RP1L1: variants seen among roughly 807,000 people sequenced by gnomAD.
The protein encoded by RP1L1 is retinitis pigmentosa 1-like 1 protein.
Under a neutral mutation model 15.7 loss-of-function variants are expected in RP1L1, and 27 were observed. The observed-to-expected ratio is 1.72, with a 90% CI of 1.27 to 2.38. The LOEUF (loss-of-function observed/expected upper bound fraction) is 2.38, where lower values mean the gene tolerates loss of function less well. RP1L1 is among the 30% of genes most tolerant of loss of function. The probability of loss-of-function intolerance (pLI) is 0.00; values close to 1 mark genes in which losing one functional copy is unlikely to be tolerated. For synonymous variants in RP1L1, 1,813 were observed against 1,276.7 expected (o/e 1.42, Z -8.96); for missense variants, 4,798 against 3,075.9 (o/e 1.56, Z -13.24).
At chr8:10,618,625 G>A (rs1798009295) in intron 2 of RP1L1, among the ~76,000 whole-genome samples, 2 of 152,130 alleles carry the variant, frequency 1.3e-5, no homozygotes, top group South Asian at 2.1e-4. Context: ...CCAGGAGGTC[G>A]AGGCTGCAAT....
rs1797802747 is a variant in RP1L1, at chr8:10,610,042, T to TC, written c.4055_4056insG (p.Glu1353ArgfsTer8). The TC allele has an allele frequency of 3.8e-6, 5 of 1,307,550 alleles. No homozygotes were observed. The highest frequency in any genetic ancestry group is 4.7e-5 in the African/African-American group (2 of 42,956). The allele number at this position is 1,307,550 out of a possible 1,614,324, so 81.0% of individuals were successfully genotyped here. ...CTTCAATTTCCTCTAACTGCGCCTCTTCTTCTTGCTGTCCTTCTCCTTCTG... is the reference window on the plus strand; with the variant it reads ...CTTCAATTTCCTCTAACTGCGCCTCTCTCTTCTTGCTGTCCTTCTCCTTCTG... On this transcript the variant is annotated frameshift_variant, in exon 4 of 4. Transcript: ENST00000382483. LOFTEE classifies it low-confidence loss of function (END_TRUNC).
chr8:10,611,520 G>T lies in RP1L1; in HGVS notation c.2578C>A (p.Arg860=), dbSNP rs62490856. 8 of 1,579,004 alleles carry T rather than the reference G, an allele frequency of 5.1e-6. No individual in the cohort carries two copies. The highest frequency in any genetic ancestry group is 6.9e-6 in the Non-Finnish European group (8 of 1,163,792). ...GAAGAGCGCCTCTGGGGGCAGGGCC[G>T]CCCCCTGGGCGGGGTGGGACAGTAC... ...GRYCPTPPRG[R]PCPQRRSSSC... Residue 860 remains arginine, a synonymous_variant, in exon 4 of 4, where the codon CGG becomes AGG. Coordinates refer to ENST00000382483, the MANE Select transcript of RP1L1 (RefSeq NM_178857.6).
intron 1 of RP1L1, among the ~76,000 whole-genome samples, chr8:10,651,932 T>TA (rs1798569016): frequency 6.6e-6 from 1 of 152,042 alleles, no homozygotes; most frequent in African/African-American, 2.4e-5. Flanking sequence ...GTGTGCCATT[T>TA]AAAAAAATCT....
In RP1L1 at chr8:10,612,452, C is replaced by A; in HGVS notation, c.1646G>T (p.Gly549Val). 2 of 1,612,716 alleles carry A rather than the reference C, an allele frequency of 1.2e-6. No homozygotes were observed. The highest frequency in any genetic ancestry group is 2.2e-5 in the East Asian group (1 of 44,880). Residue 549 changes from glycine to valine, a missense_variant, in exon 4 of 4, where the codon GGT becomes GTT. Coordinates refer to ENST00000382483, the MANE Select transcript of RP1L1 (RefSeq NM_178857.6). The part of the protein sequence containing the change: ...TGSHEGSSEW[G>V]GRPQGCPGKA... ...GCCTGGACAGCCCTGGGGCCGCCCA[C>A]CCCATTCGCTGGATCCCTCATGAGA...
Position 10,622,871 on chromosome 8 carries a change from T to TG in RP1L1, c.330dup (p.Lys111GlnfsTer27), listed in dbSNP as rs770312128. On this transcript the variant is annotated frameshift_variant, in exon 2 of 4. Coordinates refer to ENST00000382483, the MANE Select transcript of RP1L1 (RefSeq NM_178857.6). LOFTEE classifies it high-confidence loss of function. Reference sequence around the variant, plus strand: ...GGCCGGCCTGGTCCACTGGGGGTCTTGGGGGGCTTCTTATCAGAGCAGAGG... The same window carrying TG: ...GGCCGGCCTGGTCCACTGGGGGTCTTGGGGGGGCTTCTTATCAGAGCAGAGG... The TG allele has an allele frequency of 3.9e-5, 63 of 1,613,150 alleles. No homozygotes were observed. The highest frequency in any genetic ancestry group is 2.1e-4 in the South Asian group (19 of 91,056).
At chr8:10,633,960 C>A (rs1386500029) in intron 1 of RP1L1, among the ~76,000 whole-genome samples, 1 of 152,144 alleles carries the variant, frequency 6.6e-6, no homozygotes, top group South Asian at 2.1e-4. Context: ...ACAATATCCT[C>A]CCTCTCTGCC....
chr8:10,619,410 A>G (rs1585976730), intron 2 of RP1L1, among the ~76,000 whole-genome samples: 1 of 152,176 alleles, frequency 6.6e-6, no homozygotes, highest in Non-Finnish European at 1.5e-5. Context: ...TCTAGTACCC[A>G]TCATCTTCCC....
chr8:10,612,843 T>C lies in RP1L1; in HGVS notation c.1255A>G (p.Arg419Gly). The C allele has an allele frequency of 6.2e-7, 1 of 1,612,760 alleles. No individual in the cohort carries two copies. Among genetic ancestry groups the C allele is most frequent in the East Asian group, 2.2e-5 (1 of 44,856 alleles). ...TNPLHASQGE[R>G]VAARKRWGLA... ...CCCCACCTCTTCCGAGCTGCCACTCTCTCTCCCTGGGAGGCATGCAGGGGA... is the reference window on the plus strand; with the variant it reads ...CCCCACCTCTTCCGAGCTGCCACTCCCTCTCCCTGGGAGGCATGCAGGGGA... The change falls in exon 4 of 4, where the codon AGA becomes GGA. Residue 419 changes from arginine to glycine, a missense_variant. Arg to Gly is a moderately radical substitution (Grantham distance 125). Coordinates refer to ENST00000382483, the MANE Select transcript of RP1L1 (RefSeq NM_178857.6).
Position 10,607,178 on chromosome 8 carries a change from C to T in RP1L1, c.6920G>A (p.Gly2307Asp). The change falls in exon 4 of 4, where the codon GGC (glycine) becomes GAC (aspartate). Residue 2307 changes from glycine (G) to aspartate (D), a missense_variant. Coordinates refer to ENST00000382483, the MANE Select transcript of RP1L1 (RefSeq NM_178857.6). Reference protein sequence around the residue: ...GPSSSRASSWGNCWQKDSEND... With the variant: ...GPSSSRASSWDNCWQKDSEND... ...TTCTGAGTCTTTCTGCCAGCAGTTG[C>T]CCCAAGAGGATGCTCTGGAGGAGGA... is the stretch of plus-strand genomic sequence containing the variant. 1 of 1,614,214 alleles carries T rather than the reference C, an allele frequency of 6.2e-7. No homozygotes were observed. Among genetic ancestry groups the T allele is most frequent in the Non-Finnish European group, 8.5e-7 (1 of 1,180,040 alleles).
chr8:10,610,596 G>C lies in RP1L1; in HGVS notation c.3502C>G (p.Leu1168Val), dbSNP rs1045925948. 6.2e-7 allele frequency: 1 copy of C among 1,613,478 alleles called. No homozygotes were observed. Among genetic ancestry groups the C allele is most frequent in the Non-Finnish European group, 8.5e-7 (1 of 1,180,036 alleles). ...WPGCDVGEDQ[L>V]DSGLWELTWS... ...GTGAGCTCCCAGAGGCCTGAGTCCA[G>C]CTGGTCTTCCCCAACGTCACATCCT... Residue 1168 changes from leucine (L) to valine (V), a missense_variant, in exon 4 of 4, where the codon CTG becomes GTG. By Grantham distance (32) the Leu-to-Val change is conservative. Coordinates refer to ENST00000382483, the MANE Select transcript of RP1L1 (RefSeq NM_178857.6).
chr8:10,619,303 C>A (rs1031565354), intron 2 of RP1L1, among the ~76,000 whole-genome samples: 5 of 152,222 alleles, frequency 3.3e-5, no homozygotes, highest in African/African-American at 9.6e-5. Context: ...AAGCACAGGC[C>A]ATCTTCCTTT....
At chr8:10,644,337 C>T (rs1049295688) in intron 1 of RP1L1, among the ~76,000 whole-genome samples, 1 of 152,064 alleles carries the variant, frequency 6.6e-6, no homozygotes, top group Non-Finnish European at 1.5e-5. Flanking sequence ...AGAGAATCTG[C>T]CCATGCTGAA....
Position 10,611,197 on chromosome 8 carries a change from C to A in RP1L1, c.2901G>T (p.Glu967Asp). 1 of 1,612,964 alleles carries A rather than the reference C, an allele frequency of 6.2e-7. No homozygotes were observed. Among genetic ancestry groups the A allele is most frequent in the Non-Finnish European group, 8.5e-7 (1 of 1,180,026 alleles). Residue 967 changes from glutamate (E) to aspartate (D), a missense_variant, in exon 4 of 4, where the codon GAG becomes GAT. Coordinates refer to ENST00000382483, the MANE Select transcript of RP1L1 (RefSeq NM_178857.6). ...CCAACTCATATGTCATGAGTATGGG[C>A]TCTTCTGGAATGTTGTCCAGCCATT... ...VREWLDNIPE[E>D]PILMTYELAD...
intron 1 of RP1L1, among the ~76,000 whole-genome samples, chr8:10,652,844 C>T (rs1563143604): frequency 6.6e-6 from 1 of 152,148 alleles, no homozygotes; most frequent in Non-Finnish European, 1.5e-5. Flanking sequence ...TTGTAACTAT[C>T]ACAGTGCCTA....
chr8:10,646,468 A>T (rs547170634), intron 1 of RP1L1, among the ~76,000 whole-genome samples: 1 of 152,108 alleles, frequency 6.6e-6, no homozygotes, highest in Non-Finnish European at 1.5e-5. Flanking sequence ...TTTGCCCGTT[A>T]TTGGAGCCCA....
intron 3 of RP1L1, among the ~76,000 whole-genome samples, chr8:10,614,661 C>CAAAAAAAAAAAAAAAAAA (rs772003815): frequency 1.3e-5 from 1 of 75,572 alleles, no homozygotes; most frequent in Non-Finnish European, 2.5e-5. Flanking sequence ...ATTCTGTCGT[C>CAAAAAAAAAAAAAAAAAA]AAAAAAAAAA....
chr8:10,609,912 CTT>C lies in RP1L1; in HGVS notation c.4184_4185del (p.Lys1395ArgfsTer30). On this transcript the variant is annotated frameshift_variant, in exon 4 of 4. Coordinates refer to ENST00000382483, the MANE Select transcript of RP1L1 (RefSeq NM_178857.6). LOFTEE classifies it low-confidence loss of function (END_TRUNC). ...CTTCCTTCTTCTGGAAGTCCTTCCT[CTT>C]TGAGACCCTCTTCAAGAGCCTCTCC... ...LQGEALEEGL[K>X]EEGLPEEGSV... is the part of the protein sequence containing the mutation. 1 of 1,614,086 alleles carries C rather than the reference CTT, an allele frequency of 6.2e-7. No individual in the cohort carries two copies. Among genetic ancestry groups the C allele is most frequent in the Non-Finnish European group, 8.5e-7 (1 of 1,180,050 alleles).
At chr8:10,624,294 T>A (rs1798122467) in intron 1 of RP1L1, among the ~76,000 whole-genome samples, 1 of 152,184 alleles carries the variant, frequency 6.6e-6, no homozygotes, top group Non-Finnish European at 1.5e-5. Context: ...GCACCGATCT[T>A]CAGAAACTTC....
chr8:10,645,139 C>A (rs1798458004), intron 1 of RP1L1, among the ~76,000 whole-genome samples: 1 of 152,062 alleles, frequency 6.6e-6, no homozygotes, highest in Non-Finnish European at 1.5e-5. Context: ...CAAGTTCAAG[C>A]AACATAGCCA....
Sources: gnomAD v4.1 joint callset for allele counts (sites outside exome capture counted in the v4.1 genomes callset) on GRCh38, gnomAD v4.1.1 for gene constraint, MANE v1.5 for transcripts, NCBI Gene and HGNC (gene_info 2026-07-23, HGNC 2026-07-21) for gene names.